The following FSTL5 variants were observed in gnomAD, a reference collection of about 807,000 sequenced individuals.
FSTL5 encodes the protein follistatin-related protein 5.
In FSTL5, 62 loss-of-function variants were observed where a neutral mutation model predicts 89.1. The ratio of observed to expected loss-of-function variants is 0.70; its 90% CI spans 0.57 to 0.86. The LOEUF (loss-of-function observed/expected upper bound fraction) is 0.86, where lower values mean the gene tolerates loss of function less well. Ranked by LOEUF, FSTL5 falls within the 40% of genes least tolerant of loss-of-function variation. The probability of loss-of-function intolerance (pLI) is 0.00; values close to 1 mark genes in which losing one functional copy is unlikely to be tolerated. For missense variants in FSTL5, 1,057 were observed against 1,001.6 expected, an observed-to-expected ratio of 1.06 and a Z score of -0.75; for synonymous variants, 383 against 346.2, an observed-to-expected ratio of 1.11 and a Z score of -1.18.
intron 4 of FSTL5, among the ~76,000 whole-genome samples, chr4:161,919,473 T>A (rs1032013638): frequency 6.6e-6 from 1 of 152,188 alleles, no homozygotes; most frequent in African/African-American, 2.4e-5. Context: ...TCAATTTACC[T>A]TAATAGGTGG....
chr4:161,594,798 T>G (rs1031226304), intron 7 of FSTL5, among the ~76,000 whole-genome samples: 1 of 151,912 alleles, frequency 6.6e-6, no homozygotes, highest in Admixed American at 6.6e-5. Context: ...TAAAACAGCA[T>G]ATTTCAGTAT....
At chr4:161,578,048 T>C (rs992404329) in intron 8 of FSTL5, among the ~76,000 whole-genome samples, 4 of 152,084 alleles carry the variant, frequency 2.6e-5, no homozygotes, top group African/African-American at 7.2e-5. Flanking sequence ...TCGGCAAATC[T>C]ATCCTCTCAA....
chr4:161,987,828 C>T (rs1204531583), intron 3 of FSTL5, among the ~76,000 whole-genome samples: 1 of 151,430 alleles, frequency 6.6e-6, no homozygotes, highest in African/African-American at 2.4e-5. Context: ...AAAATGTCAC[C>T]TGAGTTAGAG....
intron 4 of FSTL5, among the ~76,000 whole-genome samples, chr4:161,912,516 C>T (rs372240733): frequency 7.2e-5 from 11 of 152,170 alleles, no homozygotes; most frequent in South Asian, 6.2e-4. Flanking sequence ...TTTCTCTTGC[C>T]GCTGCCATGT....
At chr4:161,944,658 C>A (rs972599584) in intron 3 of FSTL5, among the ~76,000 whole-genome samples, 1 of 151,576 alleles carries the variant, frequency 6.6e-6, no homozygotes, top group Non-Finnish European at 1.5e-5. Context: ...ATTTTAAACT[C>A]AATATCTTTA....
chr4:161,936,238 CTT>C (rs1365740234), intron 3 of FSTL5, among the ~76,000 whole-genome samples: 4 of 152,064 alleles, frequency 2.6e-5, no homozygotes, highest in Admixed American at 2.6e-4. Flanking sequence ...AATGAAAGTT[CTT>C]TTGCATATAT....
chr4:161,886,192 C>A (rs1054857980), intron 4 of FSTL5, among the ~76,000 whole-genome samples: 2 of 152,126 alleles, frequency 1.3e-5, no homozygotes, highest in East Asian at 3.9e-4. Context: ...TCCTAGGGAG[C>A]AGCTTCCTGT....
At chr4:161,467,111 C>T (rs1469207111) in intron 13 of FSTL5, among the ~76,000 whole-genome samples, 1 of 152,088 alleles carries the variant, frequency 6.6e-6, no homozygotes, top group East Asian at 1.9e-4. Context: ...ATTTCAATAA[C>T]TGTAACATTA....
intron 3 of FSTL5, chr4:162,032,464 G>C (rs1053932165): frequency 6.6e-6 from 1 of 152,142 alleles, no homozygotes; most frequent in Admixed American, 6.6e-5. Flanking sequence ...TGCTGAAAAT[G>C]CACAGAAATA....
At chr4:161,564,920 G>A (rs1229898870) in intron 8 of FSTL5, among the ~76,000 whole-genome samples, 1 of 151,794 alleles carries the variant, frequency 6.6e-6, no homozygotes, top group Non-Finnish European at 1.5e-5. Context: ...AATAGTGATA[G>A]AACACTGATA....
chr4:161,575,266 T>C (rs912685539), intron 8 of FSTL5, among the ~76,000 whole-genome samples: 2 of 152,178 alleles, frequency 1.3e-5, no homozygotes, highest in African/African-American at 4.8e-5. Flanking sequence ...ATAAGAAGAT[T>C]GCAAAAAATG....
At chr4:161,572,103 A>G (rs1326376038) in intron 8 of FSTL5, among the ~76,000 whole-genome samples, 1 of 151,924 alleles carries the variant, frequency 6.6e-6, no homozygotes, top group African/African-American at 2.4e-5. Flanking sequence ...TGGGGTCAGG[A>G]GTTCAAGACC....
intron 4 of FSTL5, among the ~76,000 whole-genome samples, chr4:161,897,134 AG>A (rs1733184744): frequency 6.6e-6 from 1 of 151,746 alleles, no homozygotes; most frequent in South Asian, 2.1e-4. Flanking sequence ...ATCTTTAAAA[AG>A]AAGAAGCCTA....
chr4:161,644,126 A>T (rs1736058909), intron 7 of FSTL5, among the ~76,000 whole-genome samples: 1 of 152,120 alleles, frequency 6.6e-6, no homozygotes, highest in African/African-American at 2.4e-5. Context: ...GAGTAAGTTC[A>T]GGCACAAGAG....
intron 1 of FSTL5, among the ~76,000 whole-genome samples, chr4:162,141,062 CAA>C (rs1180883565): frequency 6.8e-6 from 1 of 147,350 alleles, no homozygotes; most frequent in East Asian, 2.1e-4. Flanking sequence ...TTAGTTCACT[CAA>C]GAGTTGGTTG....
Position 161,779,759 on chromosome 4 carries a change from TTA to T in FSTL5, c.410-3687_410-3686del, listed in dbSNP as rs1240577419. On this transcript the variant is annotated intron_variant, in intron 4 of 15. Coordinates refer to ENST00000306100, the MANE Select transcript of FSTL5 (RefSeq NM_020116.5). ...ATTTGTCCAAGGATTATTTGTAAAG[TTA>T]TATATATATATATGTATATATATAT... 2.6e-4 allele frequency among the ~76,000 whole-genome samples: 8 copies of T among 31,180 alleles called. 1 individual carries two copies. The highest frequency in any genetic ancestry group is 2.4e-3 in the South Asian group (2 of 828). The allele number at this position is 31,180 out of a possible 152,430, so 20.5% of individuals were successfully genotyped here. A position where few individuals can be genotyped will look rare whatever the true frequency, so the allele number is the denominator to read the frequency against.
At chr4:161,651,511 A>G (rs559958668) in intron 7 of FSTL5, among the ~76,000 whole-genome samples, 3 of 152,228 alleles carry the variant, frequency 2.0e-5, no homozygotes, top group Admixed American at 2.0e-4. Context: ...TGAAACAAAT[A>G]TAAGAAGGAA....
intron 1 of FSTL5, among the ~76,000 whole-genome samples, chr4:162,116,502 C>T (rs1731645778): frequency 6.6e-6 from 1 of 152,140 alleles, no homozygotes; most frequent in Non-Finnish European, 1.5e-5. Flanking sequence ...AAGTCCCTGC[C>T]CCCTGCCACC....
intron 6 of FSTL5, among the ~76,000 whole-genome samples, chr4:161,665,737 C>CA (rs140949363): frequency 0.013 from 1,985 of 151,836 alleles, 32 homozygotes; most frequent in African/African-American, 0.044. Flanking sequence ...AACATATTTA[C>CA]AAAAAACAGA....
Sources: gnomAD v4.1 joint callset for allele counts (sites outside exome capture counted in the v4.1 genomes callset) on GRCh38, gnomAD v4.1.1 for gene constraint, MANE v1.5 for transcripts, NCBI Gene and HGNC (gene_info 2026-07-23, HGNC 2026-07-21) for gene names.